KCNK10: variants seen among roughly 807,000 people sequenced by gnomAD.
KCNK10 encodes the protein potassium two pore domain channel subfamily K member 10, also known as potassium channel subfamily K member 10.
KCNK10 carries 25 observed loss-of-function variants against 47.7 expected under a neutral mutation model. The ratio of observed to expected loss-of-function variants is 0.52; its 90% CI spans 0.38 to 0.73. The LOEUF (loss-of-function observed/expected upper bound fraction) is 0.73, where lower values mean the gene tolerates loss of function less well. KCNK10 is among the 30% of genes least tolerant of loss of function. The probability of loss-of-function intolerance (pLI) is 0.00; values close to 1 mark genes in which losing one functional copy is unlikely to be tolerated. For missense variants in KCNK10, 563 were observed against 714.5 expected, an observed-to-expected ratio of 0.79 and a Z score of 2.42; for synonymous variants, 303 against 285.6, an observed-to-expected ratio of 1.06 and a Z score of -0.61.
chr14:88,248,136 T>C (rs1266125287), intron 2 of KCNK10, among the ~76,000 whole-genome samples: 1 of 152,196 alleles, frequency 6.6e-6, no homozygotes, highest in Admixed American at 6.5e-5. Flanking sequence ...GATATATGCC[T>C]TGCTCTCTCT....
intron 1 of KCNK10, among the ~76,000 whole-genome samples, chr14:88,305,507 T>A (rs1408887870): frequency 6.6e-6 from 1 of 152,112 alleles, no homozygotes; most frequent in East Asian, 1.9e-4. Flanking sequence ...TGAAGATATC[T>A]TGGGGAGAAA....
chr14:88,310,457 T>C (rs1035675184), intron 1 of KCNK10, among the ~76,000 whole-genome samples: 2 of 151,968 alleles, frequency 1.3e-5, no homozygotes, highest in African/African-American at 2.4e-5. Flanking sequence ...ACTGTTAAGA[T>C]TGTAGGCATC....
rs1403711622 is a variant in KCNK10, at chr14:88,227,488, T to C, written c.568A>G (p.Ile190Val). Residue 190 changes from isoleucine to valine, a missense_variant, in exon 4 of 7, where the codon ATT becomes GTT. Transcript: ENST00000319231. ...PSTEGGKIFC[I>V]LYAIFGIPLF... The stretch of plus-strand genomic sequence containing the variant: ...GGAATTCCAAAGATGGCATATAAAA[T>C]ACAAAAGATTTTGCCTCCTTCAGTG... 1 of 1,613,072 alleles carries C rather than the reference T, an allele frequency of 6.2e-7. No homozygotes were observed. Among genetic ancestry groups the C allele is most frequent in the African/African-American group, 1.3e-5 (1 of 74,872 alleles).
At chr14:88,255,927 T>G (rs140876470) in intron 2 of KCNK10, among the ~76,000 whole-genome samples, 61 of 152,256 alleles carry the variant, frequency 4.0e-4, no homozygotes, top group African/African-American at 1.4e-3. Context: ...AGCTAGAGGA[T>G]TCAAGCACTT....
intron 1 of KCNK10, among the ~76,000 whole-genome samples, chr14:88,293,071 G>C (rs2139782821): frequency 6.6e-6 from 1 of 152,282 alleles, no homozygotes; most frequent in South Asian, 2.1e-4. Flanking sequence ...AGGTATTTCT[G>C]GTGTATCATC....
At chr14:88,191,945 T>A (rs1884760679) in intron 5 of KCNK10, among the ~76,000 whole-genome samples, 1 of 152,186 alleles carries the variant, frequency 6.6e-6, no homozygotes, top group Non-Finnish European at 1.5e-5. Context: ...CAAGATTTAA[T>A]GAGAAATTCA....
chr14:88,306,202 T>C (rs1451372492), intron 1 of KCNK10, among the ~76,000 whole-genome samples: 1 of 152,150 alleles, frequency 6.6e-6, no homozygotes, highest in Non-Finnish European at 1.5e-5. Flanking sequence ...ATGAAATCCA[T>C]GGTAGACGAA....
chr14:88,296,786 G>A (rs1887993769), intron 1 of KCNK10, among the ~76,000 whole-genome samples: 1 of 152,106 alleles, frequency 6.6e-6, no homozygotes, highest in African/African-American at 2.4e-5. Flanking sequence ...CAACATCAAC[G>A]CCTAAAACTA....
intron 1 of KCNK10, among the ~76,000 whole-genome samples, chr14:88,284,684 T>C (rs1026797565): frequency 6.6e-6 from 1 of 152,182 alleles, no homozygotes; most frequent in Non-Finnish European, 1.5e-5. Flanking sequence ...CTGCTTTTTT[T>C]AGCCGTGCTG....
upstream of KCNK10, among the ~76,000 whole-genome samples, chr14:88,324,989 A>G (rs1566725443): frequency 6.6e-6 from 1 of 152,210 alleles, no homozygotes; most frequent in East Asian, 1.9e-4. Context: ...TGATGGTGCT[A>G]CTCTGACTCT....
At chr14:88,227,556 G>A (rs201366664) in intron 3 of KCNK10, 21 bp from the exon 4 acceptor site, 477 of 1,569,876 alleles carry the variant, frequency 3.0e-4, no homozygotes, top group Middle Eastern at 7.0e-4. Context: ...ATATGAAAAA[G>A]AGGGAGAGTG....
chr14:88,297,753 A>T (rs1888015850), intron 1 of KCNK10, among the ~76,000 whole-genome samples: 1 of 152,218 alleles, frequency 6.6e-6, no homozygotes, highest in African/African-American at 2.4e-5. Flanking sequence ...TATTCATTGC[A>T]GTCAGGATTG....
At chr14:88,254,168 TTGC>T (rs1886881015) in intron 2 of KCNK10, among the ~76,000 whole-genome samples, 1 of 152,118 alleles carries the variant, frequency 6.6e-6, no homozygotes. Context: ...GAGACCCCTC[TTGC>T]TGGAGGCAAG....
intron 3 of KCNK10, among the ~76,000 whole-genome samples, chr14:88,239,684 C>G (rs1012466008): frequency 2.6e-5 from 4 of 151,966 alleles, no homozygotes; most frequent in Non-Finnish European, 5.9e-5. Context: ...TGTGGTGAAA[C>G]CCCATCTCTA....
rs1033242717 is a variant in KCNK10, at chr14:88,322,319, G to A, written c.52+428C>T. Among the ~76,000 whole-genome samples the A allele has an allele frequency of 3.3e-5, 5 of 152,060 alleles. No individual in the cohort carries two copies. Among genetic ancestry groups the A allele is most frequent in the Non-Finnish European group, 5.9e-5 (4 of 68,032 alleles). ...TTGCTGCCAGGAAACCTTTCCCACT[G>A]AGGACACCCGGGCATGCGGCGCAGC... On this transcript the variant is annotated intron_variant, in intron 1 of 6. Coordinates refer to ENST00000319231, the MANE Select transcript of KCNK10 (RefSeq NM_138317.3). This position sits in a 1 kb window ranked among gnomAD's most constrained non-coding sequence, Gnocchi z 4.8.
chr14:88,288,041 G>C (rs1386055234), intron 1 of KCNK10, among the ~76,000 whole-genome samples: 2 of 152,066 alleles, frequency 1.3e-5, no homozygotes. Context: ...CATTCTTGCA[G>C]GGGTAAGGCA....
chr14:88,261,573 T>C (rs1199335371), intron 2 of KCNK10, among the ~76,000 whole-genome samples: 1 of 151,998 alleles, frequency 6.6e-6, no homozygotes, highest in Non-Finnish European at 1.5e-5. Flanking sequence ...GGCAACATGG[T>C]GAAAACCTGT....
rs1250782391 is a variant in KCNK10 at position 88,263,457 on chromosome 14, G to C, written c.147C>G (p.Ser49=). ...APAPTPTPRL[S]ISSRATVVAR... is the part of the protein sequence containing the mutation. ...CTACCACTGTGGCTCGGGAGGAAAT[G>C]GACAGGCGCGGAGTTGGAGTCGGAG... The change falls in exon 2 of 7, where the codon TCC becomes TCG. Residue 49 remains serine, a synonymous_variant. Coordinates refer to ENST00000319231, the MANE Select transcript of KCNK10 (RefSeq NM_138317.3). 1 of 1,614,130 alleles carries C rather than the reference G, an allele frequency of 6.2e-7. No individual in the cohort carries two copies. Among genetic ancestry groups the C allele is most frequent in the Non-Finnish European group, 8.5e-7 (1 of 1,180,046 alleles).
At chr14:88,317,160 A>AT (rs1888444310) in intron 1 of KCNK10, among the ~76,000 whole-genome samples, 1 of 152,166 alleles carries the variant, frequency 6.6e-6, no homozygotes, top group Non-Finnish European at 1.5e-5. Context: ...AATTGTGGTG[A>AT]TTTTGGCACA....
Sources: allele counts gnomAD v4.1 joint callset (sites outside exome capture counted in the v4.1 genomes callset), GRCh38; gene constraint gnomAD v4.1.1; non-coding constraint Gnocchi (gnomAD v3.1); transcripts MANE v1.5; gene names NCBI Gene and HGNC (gene_info 2026-07-23, HGNC 2026-07-21).